Variants in NHS observed in about 807,000 individuals in gnomAD.
NHS encodes the protein actin remodeling regulator NHS.
Under a neutral mutation model 72.5 loss-of-function variants are expected in NHS, and 5 were observed. The observed-to-expected ratio is 0.07, with a 90% CI of 0.04 to 0.14. The LOEUF is 0.14. Ranked by LOEUF, NHS falls within the 10% of genes least tolerant of loss-of-function variation. The pLI is 1.00. For missense variants in NHS, 1,072 were observed against 1,355.7 expected, an observed-to-expected ratio of 0.79 and a Z score of 3.29; for synonymous variants, 464 against 547.7, an observed-to-expected ratio of 0.85 and a Z score of 2.13.
chrX:17,526,451 G>A (rs1045027221), intron 1 of NHS, among the ~76,000 whole-genome samples: 1 of 112,252 alleles, frequency 8.9e-6, no homozygotes, highest in African/African-American at 3.2e-5. Context: ...GCAGAAGTGC[G>A]CAAGGCCTTT....
chrX:17,602,334 T>A (rs1356841868), intron 1 of NHS, among the ~76,000 whole-genome samples: 1 of 112,104 alleles, frequency 8.9e-6, no homozygotes, highest in African/African-American at 3.2e-5. Flanking sequence ...TTAGAACTGG[T>A]AAGGCAGGGA....
chrX:17,398,628 G>GAGTT (rs1039790662), intron 1 of NHS, among the ~76,000 whole-genome samples: 11 of 112,286 alleles, frequency 9.8e-5, no homozygotes, highest in South Asian at 3.7e-4. Context: ...TGTCTGTGAT[G>GAGTT]AGTTACTGGT....
intron 1 of NHS, among the ~76,000 whole-genome samples, chrX:17,531,537 A>G (rs762621513): frequency 4.5e-5 from 5 of 111,741 alleles, no homozygotes; most frequent in South Asian, 7.5e-4. Context: ...AGTCCAAGTG[A>G]CCTATTCAAA....
chrX:17,493,667 C>G (rs2065000720), intron 1 of NHS, among the ~76,000 whole-genome samples: 1 of 111,573 alleles, frequency 9.0e-6, no homozygotes, highest in Non-Finnish European at 1.9e-5. Flanking sequence ...AAAGTAGGGT[C>G]CCTGTACCAC....
Position 17,731,983 on chromosome X carries a change from C to T in NHS, c.4475C>T (p.Thr1492Ile), listed in dbSNP as rs745448846. The T allele has an allele frequency of 2.5e-6, 3 of 1,211,771 alleles. No homozygotes were observed. Among genetic ancestry groups the T allele is most frequent in the Admixed American group, 2.2e-5 (1 of 46,044 alleles). ...SSITSPSSNV[T>I]TPNSQRSPGL... Reference sequence around the variant, plus strand: ...ATCACTTCACCCAGCAGTAATGTGACAACCCCCAACAGCCAGAGGTCTCCT... The same window carrying T: ...ATCACTTCACCCAGCAGTAATGTGATAACCCCCAACAGCCAGAGGTCTCCT... The change falls in exon 9 of 9, where the codon ACA (threonine) becomes ATA (isoleucine). Residue 1492 changes from threonine (T) to isoleucine (I), a missense_variant. Thr to Ile is a moderately conservative substitution (Grantham distance 89). Coordinates refer to ENST00000676302, the MANE Select transcript of NHS (RefSeq NM_001291867.2).
intron 1 of NHS, among the ~76,000 whole-genome samples, chrX:17,545,196 G>A (rs1218719674): frequency 1.8e-5 from 2 of 112,646 alleles, no homozygotes; most frequent in Non-Finnish European, 3.7e-5. Context: ...GATGGCCAGG[G>A]CTAGAGATCA....
At chrX:17,561,568 GCGCGCGCACACACACA>G (rs1451990516) in intron 1 of NHS, among the ~76,000 whole-genome samples, 1 of 65,599 alleles carries the variant, frequency 1.5e-5, no homozygotes, top group African/African-American at 7.2e-5. Context: ...GCGCGCGCGC[GCGCGCGCACACACACA>G]CACACACACA....
chrX:17,460,784 G>A (rs566481409), intron 1 of NHS, among the ~76,000 whole-genome samples: 2 of 111,607 alleles, frequency 1.8e-5, no homozygotes, highest in African/African-American at 6.5e-5. Flanking sequence ...ATATAGATAG[G>A]GTGCTTTACA....
chrX:17,704,561 A>C (rs1601845250), intron 3 of NHS, among the ~76,000 whole-genome samples: 1 of 110,992 alleles, frequency 9.0e-6, no homozygotes, highest in Non-Finnish European at 1.9e-5. Context: ...GCCTCCCAAA[A>C]TGCTGGGATT....
chrX:17,616,964 G>A (rs777005970), intron 1 of NHS, among the ~76,000 whole-genome samples: 20 of 111,643 alleles, frequency 1.8e-4, no homozygotes, highest in Non-Finnish European at 3.0e-4. Flanking sequence ...CTCTGTCCTC[G>A]TAATTTAATT....
At chrX:17,706,124 C>G (rs1254922933) in intron 3 of NHS, among the ~76,000 whole-genome samples, 1 of 110,792 alleles carries the variant, frequency 9.0e-6, no homozygotes, top group East Asian at 2.8e-4. Flanking sequence ...ACTGGGAGGT[C>G]GAGGCTACAG....
intron 1 of NHS, among the ~76,000 whole-genome samples, chrX:17,490,636 A>C (rs2146916510): frequency 8.9e-6 from 1 of 112,284 alleles, no homozygotes; most frequent in South Asian, 3.7e-4. Context: ...TGAAATTTAA[A>C]GTAGTTTTTT....
At chrX:17,617,114 G>C (rs1292003141) in intron 1 of NHS, among the ~76,000 whole-genome samples, 4 of 112,059 alleles carry the variant, frequency 3.6e-5, no homozygotes, top group Non-Finnish European at 7.5e-5. Context: ...AAAGTAATAG[G>C]ATTCTGTTGA....
chrX:17,722,364 A>G (rs1422278469), intron 5 of NHS, among the ~76,000 whole-genome samples: 1 of 112,321 alleles, frequency 8.9e-6, no homozygotes, highest in Non-Finnish European at 1.9e-5. Context: ...TAAATGGTCT[A>G]TCCATTGGGC....
intron 1 of NHS, among the ~76,000 whole-genome samples, chrX:17,408,273 T>C (rs1289134480): frequency 1.8e-5 from 2 of 111,696 alleles, no homozygotes; most frequent in Non-Finnish European, 3.8e-5. Flanking sequence ...CCCAAAGTTC[T>C]GGGGTTACAG....
chrX:17,623,946 G>A (rs1041281016), intron 1 of NHS, among the ~76,000 whole-genome samples: 5 of 112,646 alleles, frequency 4.4e-5, no homozygotes, highest in South Asian at 3.7e-4. Flanking sequence ...AATAGCTTGC[G>A]TCACATCTGG....
intron 1 of NHS, among the ~76,000 whole-genome samples, chrX:17,552,152 C>T (rs1468564615): frequency 2.7e-5 from 3 of 111,878 alleles, no homozygotes; most frequent in African/African-American, 9.7e-5. Flanking sequence ...GGCTACCTTG[C>T]ATCTTAATGC....
chrX:17,585,875 C>A (rs1318718565), intron 1 of NHS: 1 of 107,393 alleles, frequency 9.3e-6, no homozygotes, highest in African/African-American at 3.4e-5. Flanking sequence ...GTTTATTTTG[C>A]CAATTTCATT....
intron 1 of NHS, among the ~76,000 whole-genome samples, chrX:17,589,571 C>A (rs7057951): frequency 0.38 from 41,718 of 110,281 alleles, 5,807 homozygotes; most frequent in East Asian, 0.68. Context: ...CATTTTCTTT[C>A]TCCACTCGTT....
Sources: allele counts gnomAD v4.1 joint callset (sites outside exome capture counted in the v4.1 genomes callset), GRCh38; gene constraint gnomAD v4.1.1; transcripts MANE v1.5; gene names NCBI Gene and HGNC (gene_info 2026-07-23, HGNC 2026-07-21).